Variants in ZBTB16 observed in about 807,000 individuals in gnomAD.
The protein encoded by ZBTB16 is zinc finger and BTB domain containing 16.
ZBTB16 carries 8 observed loss-of-function variants against 56.8 expected under a neutral mutation model. That is an observed-to-expected ratio of 0.14 (90% confidence interval 0.08 to 0.25). The LOEUF is 0.25. ZBTB16 is among the 10% of genes least tolerant of loss of function. ZBTB16 has a pLI of 1.00. For missense variants in ZBTB16, 625 were observed against 903.0 expected (o/e 0.69, Z 3.95); for synonymous variants, 363 against 368.5 (o/e 0.98, Z 0.17).
At chr11:114,068,373 G>A (rs1939204750) in intron 2 of ZBTB16, among the ~76,000 whole-genome samples, 1 of 152,176 alleles carries the variant, frequency 6.6e-6, no homozygotes, top group African/African-American at 2.4e-5. Context: ...GGTGTGGAGT[G>A]AAGGGTAAGC....
chr11:114,197,920 G>T lies in ZBTB16; in HGVS notation c.1453+10882G>T, dbSNP rs142827624. 6.0e-3 allele frequency among the ~76,000 whole-genome samples: 911 copies of T among 151,948 alleles called. 6 individuals are homozygous for T. The highest frequency in any genetic ancestry group is 0.02 in the African/African-American group (841 of 41,422). On this transcript the variant is annotated intron_variant, in intron 4 of 6. Coordinates refer to ENST00000335953, the MANE Select transcript of ZBTB16 (RefSeq NM_006006.6). Reference sequence around the variant, plus strand: ...TGTAATGATAGGAAAACTGGCAACTGTTCTAGTTCCTGCTCTCAAGAACAG... The same window carrying T: ...TGTAATGATAGGAAAACTGGCAACTTTTCTAGTTCCTGCTCTCAAGAACAG...
intron 2 of ZBTB16, among the ~76,000 whole-genome samples, chr11:114,113,042 C>T (rs147706960): frequency 9.9e-5 from 15 of 152,204 alleles, no homozygotes; most frequent in African/African-American, 3.4e-4. Flanking sequence ...TCTAAAATGC[C>T]GGGATTACAT....
At chr11:114,207,781 T>G (rs1943916004) in intron 4 of ZBTB16, among the ~76,000 whole-genome samples, 1 of 152,156 alleles carries the variant, frequency 6.6e-6, no homozygotes, top group Non-Finnish European at 1.5e-5. Context: ...ACCCAGATAA[T>G]TTTTGTATTT....
intron 4 of ZBTB16, among the ~76,000 whole-genome samples, chr11:114,234,388 A>T (rs924684882): frequency 2.6e-5 from 4 of 152,164 alleles, no homozygotes; most frequent in Non-Finnish European, 4.4e-5. Context: ...GTCTTCCAAG[A>T]TGGTATCTTT....
intron 2 of ZBTB16, among the ~76,000 whole-genome samples, chr11:114,152,122 T>A (rs1300868557): frequency 6.6e-6 from 1 of 152,160 alleles, no homozygotes; most frequent in East Asian, 1.9e-4. Context: ...TAGAATATTG[T>A]TAGGATGAGC....
rs1377020540 is a variant in ZBTB16, at chr11:114,060,870, C to T, written c.-91+988C>T. On this transcript the variant is annotated intron_variant, in intron 1 of 6. Coordinates refer to ENST00000335953, the MANE Select transcript of ZBTB16 (RefSeq NM_006006.6). This position sits in a 1 kb window ranked among gnomAD's most constrained non-coding sequence, Gnocchi z 6.0. ...CTCCCAGGGGGTCACGGCCCTGGGT[C>T]GGAGAGGGAGGGCGGGCAGACCCCT... Among the ~76,000 whole-genome samples, 1 of 152,038 alleles carries T rather than the reference C, an allele frequency of 6.6e-6. No individual in the cohort carries two copies. Among genetic ancestry groups the T allele is most frequent in the East Asian group, 1.9e-4 (1 of 5,140 alleles).
intron 2 of ZBTB16, among the ~76,000 whole-genome samples, chr11:114,119,706 T>C (rs1409185888): frequency 6.6e-6 from 1 of 152,158 alleles, no homozygotes; most frequent in Non-Finnish European, 1.5e-5. Context: ...AGCACCTGTA[T>C]CGTGTCAGTC....
intron 4 of ZBTB16, among the ~76,000 whole-genome samples, chr11:114,202,799 A>C (rs952505566): frequency 6.6e-6 from 1 of 152,130 alleles, no homozygotes; most frequent in African/African-American, 2.4e-5. Context: ...TGTGTGTGAG[A>C]TTGGAGTGTG....
intron 4 of ZBTB16, among the ~76,000 whole-genome samples, chr11:114,209,148 C>T (rs1943947818): frequency 6.6e-6 from 1 of 152,164 alleles, no homozygotes; most frequent in Admixed American, 6.5e-5. Context: ...CGACTTGCAT[C>T]ATGGATGCAG....
rs1156428281 is a variant in ZBTB16, at chr11:114,075,864, C to T, written c.1268+11296C>T. ...TTTCCCCCCATCATAGCCCAAAGTC[C>T]TAAAGAAAGGCTACTTAAGTTGTTC... On this transcript the variant is annotated intron_variant, in intron 2 of 6. Transcript: ENST00000335953. Among the ~76,000 whole-genome samples the T allele has an allele frequency of 2.6e-5, 4 of 152,118 alleles. No individual in the cohort carries two copies. In the East Asian group the frequency reaches 7.7e-4, roughly 29 times the overall value.
At position 114,063,765 on chromosome 11, in the gene ZBTB16, C is replaced by T; in HGVS notation, c.465C>T (p.Asn155=). The part of the protein sequence containing the change: ...EEDRKARYLK[N]IFISKHSSEE... ...ACCGCAAGGCTCGGTACCTCAAGAA[C>T]ATCTTCATCTCGAAGCATTCCAGCG... The change falls in exon 2 of 7, where the codon AAC becomes AAT. Residue 155 remains asparagine, a synonymous_variant. Transcript: ENST00000335953. The surrounding 1 kb of genome is among the most constrained non-coding windows in gnomAD (Gnocchi z 6.5). 6.2e-7 allele frequency: 1 copy of T among 1,614,084 alleles called. No individual in the cohort carries two copies. Among genetic ancestry groups the T allele is most frequent in the Admixed American group, 1.7e-5 (1 of 60,030 alleles).
At chr11:114,076,315 G>T (rs1939561474) in intron 2 of ZBTB16, among the ~76,000 whole-genome samples, 1 of 152,160 alleles carries the variant, frequency 6.6e-6, no homozygotes, top group African/African-American at 2.4e-5. Flanking sequence ...AGTGGCCAGC[G>T]AGTCGGGCGG....
At chr11:114,185,472 T>C (rs1358883396) in intron 3 of ZBTB16, among the ~76,000 whole-genome samples, 2 of 151,962 alleles carry the variant, frequency 1.3e-5, no homozygotes, top group Non-Finnish European at 2.9e-5. Context: ...CTGGGACAGG[T>C]TATGGAAGGC....
At chr11:114,128,877 A>G (rs1941587348) in intron 2 of ZBTB16, among the ~76,000 whole-genome samples, 2 of 152,328 alleles carry the variant, frequency 1.3e-5, no homozygotes, top group South Asian at 4.1e-4. Flanking sequence ...GCTACTGCAA[A>G]CACCAGGGAG....
At chr11:114,081,040 G>A (rs970448607) in intron 2 of ZBTB16, among the ~76,000 whole-genome samples, 2 of 152,122 alleles carry the variant, frequency 1.3e-5, no homozygotes, top group Admixed American at 6.5e-5. Context: ...TTTTCCCTAG[G>A]TCACACAGCA....
chr11:114,084,432 A>G (rs1939888322), intron 2 of ZBTB16, among the ~76,000 whole-genome samples: 1 of 152,240 alleles, frequency 6.6e-6, no homozygotes, highest in Admixed American at 6.5e-5. Flanking sequence ...AACTTAAAGC[A>G]ACAGAGAAAT....
At chr11:114,111,156 C>CGTGTGTGT (rs4020003) in intron 2 of ZBTB16, among the ~76,000 whole-genome samples, 21,102 of 148,824 alleles carry the variant, frequency 0.14, 2,427 homozygotes, top group African/African-American at 0.32. Flanking sequence ...ATCTGTGCTG[C>CGTGTGTGT]GTGTGTGTGT....
intron 4 of ZBTB16, among the ~76,000 whole-genome samples, chr11:114,225,518 G>A (rs945281832): frequency 6.6e-6 from 1 of 152,170 alleles, no homozygotes. Context: ...ACCACTCCAT[G>A]GTGGAAGGCG....
chr11:114,161,599 C>G (rs537735777), intron 3 of ZBTB16, among the ~76,000 whole-genome samples: 45 of 152,144 alleles, frequency 3.0e-4, no homozygotes, highest in African/African-American at 1.0e-3. Flanking sequence ...GAGGGGAAGC[C>G]GAAGCCACCT....
Sources: allele counts gnomAD v4.1 joint callset (sites outside exome capture counted in the v4.1 genomes callset), GRCh38; gene constraint gnomAD v4.1.1; non-coding constraint Gnocchi (gnomAD v3.1); transcripts MANE v1.5; gene names NCBI Gene and HGNC (gene_info 2026-07-23, HGNC 2026-07-21).